EFL1: variants seen among roughly 807,000 people sequenced by gnomAD.
EFL1 encodes elongation factor-like GTPase 1.
EFL1 carries 76 observed loss-of-function variants against 126.7 expected under a neutral mutation model. The ratio of observed to expected loss-of-function variants is 0.60; its 90% CI spans 0.50 to 0.73. The LOEUF (loss-of-function observed/expected upper bound fraction) is 0.73, where lower values mean the gene tolerates loss of function less well. Ranked by LOEUF, EFL1 falls within the 30% of genes least tolerant of loss-of-function variation. The probability of loss-of-function intolerance (pLI) is 0.00; values close to 1 mark genes in which losing one functional copy is unlikely to be tolerated. For missense variants in EFL1, 1,128 were observed against 1,343.2 expected (o/e 0.84, Z 2.50); for synonymous variants, 410 against 448.4 (o/e 0.91, Z 1.08).
intron 3 of EFL1, 142 bp from the exon 4 acceptor site, chr15:82,252,917 T>C (rs1223854675): frequency 1.5e-6 from 1 of 648,428 alleles, no homozygotes; most frequent in Admixed American, 2.7e-5. Context: ...GGTCTTGCTA[T>C]GTTGCCCACA....
At chr15:82,193,298 GCAC>G (rs969299997) in intron 15 of EFL1, among the ~76,000 whole-genome samples, 2 of 152,098 alleles carry the variant, frequency 1.3e-5, no homozygotes, top group Non-Finnish European at 2.9e-5. Flanking sequence ...TACATATTGA[GCAC>G]CACCATCAGA....
chr15:82,229,643 C>A (rs186393229), intron 8 of EFL1, among the ~76,000 whole-genome samples: 103 of 152,090 alleles, frequency 6.8e-4, no homozygotes, highest in African/African-American at 2.4e-3. Context: ...TAAATTGATA[C>A]CTCCTTTCTG....
At chr15:82,207,301 T>C (rs1047988056) in intron 15 of EFL1, among the ~76,000 whole-genome samples, 18 of 123,600 alleles carry the variant, frequency 1.5e-4, no homozygotes, top group African/African-American at 4.8e-4. Context: ...TATATATATA[T>C]ATATATACAC....
chr15:82,148,151 G>A (rs766882802), intron 18 of EFL1, among the ~76,000 whole-genome samples: 8 of 152,036 alleles, frequency 5.3e-5, no homozygotes, highest in South Asian at 4.1e-4. Context: ...AGGCTGAGGC[G>A]GATGGATCAT....
At position 82,240,485 on chromosome 15, in the gene EFL1, C is replaced by T. The variant is rs767883960; in HGVS notation, c.449G>A (p.Arg150His). ...RPVLVINKID[R>H]LIVELKFTPQ... ...GGTGAATTTCAGTTCCACTATCAAG[C>T]GATCAATCTTATTAATCACTAAAAC... The change falls in exon 6 of 20, where the codon CGC becomes CAC. Residue 150 changes from arginine (R) to histidine (H), a missense_variant. By Grantham distance (29) the Arg-to-His change is conservative. Around this residue, in one of 6 missense-constraint regions of EFL1, gnomAD observed 118 missense variants for 188.1 expected, o/e 0.63. Coordinates refer to ENST00000268206, the MANE Select transcript of EFL1 (RefSeq NM_024580.6). 2.5e-6 allele frequency: 4 copies of T among 1,613,708 alleles called. No homozygotes were observed. The highest frequency in any genetic ancestry group is 2.2e-5 in the East Asian group (1 of 44,866).
At chr15:82,133,471 G>A (rs1284975617) in intron 19 of EFL1, among the ~76,000 whole-genome samples, 2 of 152,156 alleles carry the variant, frequency 1.3e-5, no homozygotes, top group Non-Finnish European at 2.9e-5. Flanking sequence ...AACATAAATT[G>A]CACAATGGTA....
intron 15 of EFL1, among the ~76,000 whole-genome samples, chr15:82,173,893 T>TA (rs1336574464): frequency 1.3e-5 from 2 of 152,128 alleles, no homozygotes; most frequent in African/African-American, 4.8e-5. Context: ...TTTTTCTTTT[T>TA]AAAAAATACA....
At chr15:82,261,091 A>G (rs1382384812) in intron 2 of EFL1, among the ~76,000 whole-genome samples, 1 of 152,146 alleles carries the variant, frequency 6.6e-6, no homozygotes, top group Non-Finnish European at 1.5e-5. Context: ...TGTAATGATT[A>G]TCTCCATTTG....
chr15:82,229,768 T>C (rs1358330580), intron 8 of EFL1, among the ~76,000 whole-genome samples: 1 of 152,182 alleles, frequency 6.6e-6, no homozygotes, highest in Non-Finnish European at 1.5e-5. Flanking sequence ...CTATCATAAC[T>C]CTACAATATC....
intron 17 of EFL1, among the ~76,000 whole-genome samples, chr15:82,154,632 T>TTAA (rs2073947722): frequency 2.0e-5 from 3 of 152,218 alleles, no homozygotes; most frequent in Non-Finnish European, 4.4e-5. Flanking sequence ...GTCTTAGCCC[T>TTAA]CAGAGGGCCC....
intron 15 of EFL1, among the ~76,000 whole-genome samples, chr15:82,211,493 T>A (rs1414664883): frequency 1.4e-5 from 2 of 147,138 alleles, no homozygotes; most frequent in Admixed American, 1.4e-4. Flanking sequence ...GCCAATGTAC[T>A]CCAGCCAGGG....
At chr15:82,157,546 T>C (rs946995121) in intron 17 of EFL1, 167 bp downstream of exon 17, 1 of 774,398 alleles carries the variant, frequency 1.3e-6, no homozygotes, top group African/African-American at 1.7e-5. Flanking sequence ...ATTTTTCAGT[T>C]ATTAAAAAAT....
chr15:82,241,867 G>A (rs982867137), intron 4 of EFL1, among the ~76,000 whole-genome samples: 3 of 152,230 alleles, frequency 2.0e-5, no homozygotes, highest in African/African-American at 7.2e-5. Context: ...AAAGAGCAGT[G>A]TATGAATCTG....
At chr15:82,221,770 T>C (rs930956535) in intron 12 of EFL1, among the ~76,000 whole-genome samples, 1 of 152,216 alleles carries the variant, frequency 6.6e-6, no homozygotes, top group Non-Finnish European at 1.5e-5. Flanking sequence ...GACAAGCTCC[T>C]CATTATAGGA....
rs558692001 is a variant in EFL1 at position 82,199,903 on chromosome 15, AT to A, written c.1750+14813del. 2.8e-3 allele frequency among the ~76,000 whole-genome samples: 432 copies of A among 152,358 alleles called. 3 individuals are homozygous for A. The highest frequency in any genetic ancestry group is 9.9e-3 in the African/African-American group (412 of 41,568). On this transcript the variant is annotated intron_variant, in intron 15 of 19. Coordinates refer to ENST00000268206, the MANE Select transcript of EFL1 (RefSeq NM_024580.6). ...GTTTATATAGAATAAATGTTTAAAA[AT>A]AGCCCCCAATTATTAAAGCTAAAAG...
chr15:82,154,312 A>G (rs558863580), intron 17 of EFL1, among the ~76,000 whole-genome samples: 1 of 152,292 alleles, frequency 6.6e-6, no homozygotes, highest in African/African-American at 2.4e-5. Context: ...TGAGATCTGG[A>G]TGCTAAGAAT....
chr15:82,164,376 T>C (rs1402256058), intron 15 of EFL1, among the ~76,000 whole-genome samples: 1 of 152,212 alleles, frequency 6.6e-6, no homozygotes, highest in African/African-American at 2.4e-5. Context: ...TTCTGCCAAA[T>C]CCATCTGCAT....
chr15:82,236,207 G>GA (rs2074871272), intron 7 of EFL1, among the ~76,000 whole-genome samples: 1 of 151,994 alleles, frequency 6.6e-6, no homozygotes, highest in South Asian at 2.1e-4. Context: ...TCATGGAATA[G>GA]AAAAAATTCA....
intron 6 of EFL1, 114 bp downstream of exon 6, chr15:82,240,304 G>T: frequency 1.0e-6 from 1 of 969,180 alleles, no homozygotes; most frequent in Non-Finnish European, 1.5e-6. Context: ...CAACACGTAT[G>T]AATCTGAAGT....
Sources: gnomAD v4.1 joint callset for allele counts (sites outside exome capture counted in the v4.1 genomes callset) on GRCh38, gnomAD v4.1.1 for gene constraint, gnomAD v4.1.1 regional missense constraint, MANE v1.5 for transcripts, NCBI Gene and HGNC (gene_info 2026-07-23, HGNC 2026-07-21) for gene names.